CAMTA1: variants seen among roughly 807,000 people sequenced by gnomAD.
CAMTA1 encodes the protein calmodulin-binding transcription activator 1.
A neutral mutation model predicts 170.9 loss-of-function variants in CAMTA1; 27 were observed. The ratio of observed to expected loss-of-function variants is 0.16; its 90% CI spans 0.12 to 0.22. CAMTA1 has a LOEUF of 0.22. CAMTA1 is among the 10% of genes least tolerant of loss of function. CAMTA1 has a pLI of 1.00. For missense variants in CAMTA1, 1,619 were observed against 2,217.2 expected, an observed-to-expected ratio of 0.73 and a Z score of 5.42; for synonymous variants, 833 against 891.5, an observed-to-expected ratio of 0.93 and a Z score of 1.17.
chr1:6,944,461 C>T (rs186502902), intron 3 of CAMTA1, among the ~76,000 whole-genome samples: 36 of 152,296 alleles, frequency 2.4e-4, no homozygotes, highest in Non-Finnish European at 2.2e-4. Flanking sequence ...CCCATCACGT[C>T]CTGCAGCCAC....
intron 5 of CAMTA1, among the ~76,000 whole-genome samples, chr1:7,271,980 A>G (rs7536578): frequency 0.93 from 141,311 of 152,158 alleles, 65,784 homozygotes; most frequent in African/African-American, 0.98. Context: ...ACAAAGAAAA[A>G]CCAAGGGTCA....
intron 3 of CAMTA1, among the ~76,000 whole-genome samples, chr1:6,850,789 T>C (rs1660079853): frequency 6.6e-6 from 1 of 152,114 alleles, no homozygotes; most frequent in South Asian, 2.1e-4. Flanking sequence ...TTTGTTAGAC[T>C]CAGAGGGCGG....
intron 4 of CAMTA1, among the ~76,000 whole-genome samples, chr1:7,182,907 A>C (rs1408560649): frequency 6.6e-6 from 1 of 152,224 alleles, no homozygotes; most frequent in Non-Finnish European, 1.5e-5. Flanking sequence ...CAGATTGGCA[A>C]ACATGAAAAA....
intron 5 of CAMTA1, among the ~76,000 whole-genome samples, chr1:7,337,302 A>G (rs1359571348): frequency 6.6e-6 from 1 of 152,208 alleles, no homozygotes; most frequent in East Asian, 1.9e-4. Context: ...AGGTTAGGAG[A>G]GGGCGTGTCT....
At chr1:6,808,269 C>T (rs372018614) in intron 1 of CAMTA1, among the ~76,000 whole-genome samples, 7 of 151,526 alleles carry the variant, frequency 4.6e-5, no homozygotes, top group African/African-American at 1.5e-4. Context: ...TGGATAAAGT[C>T]GATTCTCCTG....
intron 5 of CAMTA1, among the ~76,000 whole-genome samples, chr1:7,400,906 A>C (rs1296912262): frequency 1.3e-5 from 2 of 152,210 alleles, no homozygotes; most frequent in Non-Finnish European, 2.9e-5. Context: ...TTCTAGATAC[A>C]AGTCATTTAT....
chr1:7,109,066 A>C (rs1167749080), intron 4 of CAMTA1, among the ~76,000 whole-genome samples: 2 of 152,254 alleles, frequency 1.3e-5, no homozygotes, highest in Admixed American at 1.3e-4. Context: ...GGGCCTCTCC[A>C]ACAGGGCAGC....
intron 5 of CAMTA1, among the ~76,000 whole-genome samples, chr1:7,402,824 C>A (rs537177404): frequency 3.3e-4 from 51 of 152,326 alleles, no homozygotes; most frequent in Admixed American, 1.9e-3. Context: ...CATTAACCCT[C>A]TTTTGGTCTG....
At chr1:7,193,748 G>A (rs1654991244) in intron 4 of CAMTA1, among the ~76,000 whole-genome samples, 1 of 152,120 alleles carries the variant, frequency 6.6e-6, no homozygotes, top group South Asian at 2.1e-4. Context: ...GAGCACTTTG[G>A]ATGTCTGGAA....
chr1:6,888,833 T>C (rs1673903010), intron 3 of CAMTA1, among the ~76,000 whole-genome samples: 1 of 152,200 alleles, frequency 6.6e-6, no homozygotes, highest in South Asian at 2.1e-4. Context: ...TTCTTTTTTT[T>C]TTTTAAGCAA....
chr1:7,024,883 TG>T (rs1701826506), intron 3 of CAMTA1, among the ~76,000 whole-genome samples: 2 of 152,362 alleles, frequency 1.3e-5, no homozygotes, highest in Admixed American at 1.3e-4. Flanking sequence ...TTTTTTATAT[TG>T]TTTACTTTCC....
Position 7,249,404 on chromosome 1 carries a change from G to A in CAMTA1, c.303-87G>A, listed in dbSNP as rs1207848015. ...AAATGTGGAATATTGCTTTTCTGTA[G>A]AGACTTTTACTGGTCGATGATATCT... On this transcript the variant is annotated intron_variant, in intron 4 of 22. Coordinates refer to ENST00000303635, the MANE Select transcript of CAMTA1 (RefSeq NM_015215.4). The surrounding 1 kb of genome is among the most constrained non-coding windows in gnomAD (Gnocchi z 4.4). The A allele has an allele frequency of 3.9e-5, 49 of 1,250,806 alleles. No homozygotes were observed. Among genetic ancestry groups the A allele is most frequent in the Non-Finnish European group, 5.5e-5 (49 of 897,798 alleles). The allele number at this position is 1,250,806 out of a possible 1,614,324, so 77.5% of individuals were successfully genotyped here.
At chr1:6,902,305 G>A (rs899586782) in intron 3 of CAMTA1, among the ~76,000 whole-genome samples, 7 of 152,192 alleles carry the variant, frequency 4.6e-5, no homozygotes, top group Non-Finnish European at 1.0e-4. Flanking sequence ...TACTCATGAT[G>A]TTCAAAAGCT....
chr1:7,631,940 A>C (rs545399174), intron 6 of CAMTA1, among the ~76,000 whole-genome samples: 2 of 152,338 alleles, frequency 1.3e-5, no homozygotes, highest in African/African-American at 4.8e-5. Flanking sequence ...TGGGGCAGCC[A>C]GAAGGTGGGT....
chr1:6,858,021 T>C (rs1339020941), intron 3 of CAMTA1, among the ~76,000 whole-genome samples: 1 of 152,164 alleles, frequency 6.6e-6, no homozygotes, highest in Non-Finnish European at 1.5e-5. Context: ...TAGTAAATGC[T>C]CAATAAAGAA....
chr1:7,454,417 A>T (rs2092903882), intron 5 of CAMTA1, among the ~76,000 whole-genome samples: 1 of 152,218 alleles, frequency 6.6e-6, no homozygotes, highest in African/African-American at 2.4e-5. Flanking sequence ...ATTTAATCCA[A>T]CAAACCTGCA....
intron 1 of CAMTA1, among the ~76,000 whole-genome samples, chr1:6,790,159 T>G (rs1441226960): frequency 6.6e-6 from 1 of 152,086 alleles, no homozygotes; most frequent in Non-Finnish European, 1.5e-5. Flanking sequence ...AATGCTTGTC[T>G]TTTATATAGT....
intron 6 of CAMTA1, among the ~76,000 whole-genome samples, chr1:7,540,038 C>T (rs563386361): frequency 2.6e-5 from 4 of 152,208 alleles, no homozygotes; most frequent in Non-Finnish European, 5.9e-5. Context: ...TAGTCGTGCC[C>T]TGCCCTGGGC....
At chr1:6,871,665 TG>T (rs1327915770) in intron 3 of CAMTA1, 20 of 1,086,046 alleles carry the variant, frequency 1.8e-5, no homozygotes, top group Non-Finnish European at 2.4e-5. Flanking sequence ...TCAGGAATGA[TG>T]GGGTTCAGTT....
Sources: gnomAD v4.1 joint callset for allele counts (sites outside exome capture counted in the v4.1 genomes callset) on GRCh38, gnomAD v4.1.1 for gene constraint, Gnocchi (gnomAD v3.1) non-coding constraint, MANE v1.5 for transcripts, NCBI Gene and HGNC (gene_info 2026-07-23, HGNC 2026-07-21) for gene names.